The following ALDH1A2 variants were observed in gnomAD, a reference collection of about 807,000 sequenced individuals.
ALDH1A2 encodes the protein aldehyde dehydrogenase 1 family member A2, also known as retinal dehydrogenase 2.
In ALDH1A2, 27 loss-of-function variants were observed where a neutral mutation model predicts 60.3. That is an observed-to-expected ratio of 0.45 (90% confidence interval 0.33 to 0.62). The LOEUF is 0.62. Among genes scored for constraint, ALDH1A2 ranks in the 20% least tolerant of loss-of-function variants. ALDH1A2 has a pLI of 0.02. For missense variants in ALDH1A2, 581 were observed against 643.8 expected (o/e 0.90, Z 1.06); for synonymous variants, 289 against 232.4 (o/e 1.24, Z -2.21).
rs1380037503 is a variant in ALDH1A2, at chr15:57,954,372, T to G, written c.*825A>C. 6.5e-6 allele frequency: 1 copy of G among 152,772 alleles called. No individual in the cohort carries two copies. The highest frequency in any genetic ancestry group is 6.5e-5 in the Admixed American group (1 of 15,274). The allele number at this position is 152,772 out of a possible 1,614,324, so 9.5% of individuals were successfully genotyped here. A position where few individuals can be genotyped will look rare whatever the true frequency, so the allele number is the denominator to read the frequency against. ...TTTTTTGGTTGGTTCTAAGAAAAACTTTGGAAAAGATCTTATCTAGCTATG... is the reference window on the plus strand; with the variant it reads ...TTTTTTGGTTGGTTCTAAGAAAAACGTTGGAAAAGATCTTATCTAGCTATG... On this transcript the variant is annotated 3_prime_UTR_variant, in exon 13 of 13. Coordinates refer to ENST00000249750, the MANE Select transcript of ALDH1A2 (RefSeq NM_003888.4).
At chr15:58,009,888 A>T (rs1338250629) in intron 4 of ALDH1A2, among the ~76,000 whole-genome samples, 1 of 152,140 alleles carries the variant, frequency 6.6e-6, no homozygotes, top group Admixed American at 6.6e-5. Flanking sequence ...AATTGGTATT[A>T]GCTATCACTA....
In ALDH1A2 at chr15:58,039,737, C is replaced by T. The variant is rs1283985764; in HGVS notation, c.118-25456G>A. On this transcript the variant is annotated intron_variant, in intron 1 of 12. Transcript: ENST00000249750. Reference sequence around the variant, plus strand: ...GTGAGTTAGGGCTAGTTAAGTGACTCACAACATTGATTATTAAGAGGAAGG... The same window carrying T: ...GTGAGTTAGGGCTAGTTAAGTGACTTACAACATTGATTATTAAGAGGAAGG... 2.0e-5 allele frequency among the ~76,000 whole-genome samples: 3 copies of T among 151,494 alleles called. No homozygotes were observed. The East Asian group carries it at 5.8e-4, about 29-fold the overall frequency.
At chr15:57,976,839 C>G (rs1257477587) in intron 7 of ALDH1A2, among the ~76,000 whole-genome samples, 4 of 152,176 alleles carry the variant, frequency 2.6e-5, no homozygotes, top group Non-Finnish European at 4.4e-5. Context: ...GGAATTGCCA[C>G]CATCTTCCAC....
intron 1 of ALDH1A2, among the ~76,000 whole-genome samples, chr15:58,048,335 G>T (rs1002094986): frequency 1.2e-4 from 18 of 152,024 alleles, no homozygotes; most frequent in Non-Finnish European, 1.3e-4. Context: ...GCTGTAAATG[G>T]AAATAACTTA....
chr15:58,060,434 G>A (rs1296518935), intron 1 of ALDH1A2, among the ~76,000 whole-genome samples: 1 of 146,924 alleles, frequency 6.8e-6, no homozygotes, highest in Admixed American at 6.7e-5. Context: ...GAAAGTCAGT[G>A]AAGAAACTCT....
intron 1 of ALDH1A2, among the ~76,000 whole-genome samples, chr15:58,025,595 T>C (rs1334354206): frequency 6.6e-6 from 1 of 152,108 alleles, no homozygotes; most frequent in African/African-American, 2.4e-5. Flanking sequence ...ATAACTAACA[T>C]CAATCCTCCT....
intron 3 of ALDH1A2, 62 bp downstream of exon 3, chr15:58,013,796 T>C (rs2140518410): frequency 1.3e-6 from 2 of 1,597,398 alleles, no homozygotes; most frequent in South Asian, 1.1e-5. Context: ...AGCCGAAGAA[T>C]GTAAATTTCA....
intron 1 of ALDH1A2, among the ~76,000 whole-genome samples, chr15:58,034,753 A>T (rs1307563293): frequency 6.6e-6 from 1 of 151,676 alleles, no homozygotes; most frequent in Non-Finnish European, 1.5e-5. Context: ...TTGTCAGCCC[A>T]TTGATAAGAC....
intron 7 of ALDH1A2, chr15:57,980,770 T>G (rs1894472472): frequency 6.5e-6 from 1 of 153,518 alleles, no homozygotes; most frequent in African/African-American, 2.4e-5. Context: ...CTCTGCCAGG[T>G]TTTGGTATCA....
At chr15:58,038,469 T>G (rs1244356560) in intron 1 of ALDH1A2, 1 of 151,772 alleles carries the variant, frequency 6.6e-6, no homozygotes. Context: ...GAAAACAGAC[T>G]TGGCTAAAAC....
chr15:57,967,645 G>T (rs910305040), intron 7 of ALDH1A2, among the ~76,000 whole-genome samples: 2 of 152,116 alleles, frequency 1.3e-5, no homozygotes, highest in African/African-American at 4.8e-5. Context: ...GCTAACCTTA[G>T]GGGGAAAAAG....
chr15:58,033,111 G>A (rs74781260), intron 1 of ALDH1A2, among the ~76,000 whole-genome samples: 358 of 151,958 alleles, frequency 2.4e-3, no homozygotes, highest in Non-Finnish European at 4.2e-3. Context: ...TAGTAGCTTC[G>A]GATGACTATA....
At position 58,043,197 on chromosome 15, in the gene ALDH1A2, T is replaced by C. The variant is rs141230273; in HGVS notation, c.117+22337A>G. Among the ~76,000 whole-genome samples, 8 of 152,104 alleles carry C rather than the reference T, an allele frequency of 5.3e-5. No homozygotes were observed. In the East Asian group the frequency reaches 1.6e-3, roughly 30 times the overall value. On this transcript the variant is annotated intron_variant, in intron 1 of 12. Transcript: ENST00000249750. ...ACCATGGCACTTATGATACAAATCT[T>C]GTTTCCAGGCTCTTGACAAACATTA...
chr15:58,046,955 A>G (rs149233073), intron 1 of ALDH1A2, among the ~76,000 whole-genome samples: 9 of 152,192 alleles, frequency 5.9e-5, no homozygotes, highest in African/African-American at 1.4e-4. Flanking sequence ...CTGGATAAAG[A>G]TTCAAAACAG....
At chr15:58,024,180 A>G (rs1186058537) in intron 1 of ALDH1A2, among the ~76,000 whole-genome samples, 1 of 152,128 alleles carries the variant, frequency 6.6e-6, no homozygotes, top group African/African-American at 2.4e-5. Flanking sequence ...AAGAGAAAAG[A>G]CTCAAATGGT....
chr15:57,997,898 T>C (rs1411702566), intron 4 of ALDH1A2, among the ~76,000 whole-genome samples: 1 of 151,892 alleles, frequency 6.6e-6, no homozygotes, highest in Non-Finnish European at 1.5e-5. Context: ...AAGTAGCAAA[T>C]TAAAAAATAA....
rs551483190 is a variant in ALDH1A2 at position 57,963,829 on chromosome 15, A to G, written c.1086+56T>C. 8.2e-6 allele frequency: 13 copies of G among 1,588,952 alleles called. No homozygotes were observed. The South Asian group carries it at 1.3e-4, about 16-fold the overall frequency. On this transcript the variant is annotated intron_variant, in intron 9 of 12. Transcript: ENST00000249750. ...TGCTGGGACCTACTACAGTGTACAC[A>G]GTTCTGTGCCAGTCAAGGATTAAGT... is the stretch of plus-strand genomic sequence containing the variant.
chr15:58,057,101 A>G (rs1896916105), intron 1 of ALDH1A2, among the ~76,000 whole-genome samples: 1 of 152,134 alleles, frequency 6.6e-6, no homozygotes, highest in East Asian at 1.9e-4. Flanking sequence ...CACCAGGTAT[A>G]TGAGGAGACA....
intron 1 of ALDH1A2, among the ~76,000 whole-genome samples, chr15:58,046,457 A>G (rs1023225148): frequency 6.6e-6 from 1 of 152,010 alleles, no homozygotes; most frequent in Non-Finnish European, 1.5e-5. Context: ...AAATTCGTTA[A>G]AGATTGAGGT....
Sources: allele counts gnomAD v4.1 joint callset (sites outside exome capture counted in the v4.1 genomes callset), GRCh38; gene constraint gnomAD v4.1.1; transcripts MANE v1.5; gene names NCBI Gene and HGNC (gene_info 2026-07-23, HGNC 2026-07-21).